KRT6C: variants seen among roughly 807,000 people sequenced by gnomAD.
The protein encoded by KRT6C is keratin 6C, also known as keratin, type II cytoskeletal 6C.
A neutral mutation model predicts 49.4 loss-of-function variants in KRT6C; 46 were observed. That is an observed-to-expected ratio of 0.93 (90% CI 0.74 to 1.19). The LOEUF is 1.19. Ranked by LOEUF, KRT6C falls within the 50% of genes most tolerant of loss-of-function variation. The probability of loss-of-function intolerance (pLI) is 0.00; values close to 1 mark genes in which losing one functional copy is unlikely to be tolerated. For missense variants in KRT6C, 552 were observed against 737.5 expected (o/e 0.75, Z 2.91); for synonymous variants, 236 against 297.1 (o/e 0.79, Z 2.12).
chr12:52,470,775 G>T lies in KRT6C; in HGVS notation c.1078-145C>A, dbSNP rs559442787. 45 of 1,533,634 alleles carry T rather than the reference G, an allele frequency of 2.9e-5. No homozygotes were observed. In the Admixed American group the frequency reaches 4.9e-4, roughly 17 times the overall value. ...TGAGGAAAAGTTGATGTTATGTGGT[G>T]GGTGGATACTAAACTCTGGAGTCAC... On this transcript the variant is annotated intron_variant, in intron 5 of 8. Transcript: ENST00000252250.
In KRT6C at chr12:52,471,135, G is replaced by T. The variant is rs148664004; in HGVS notation, c.1074C>A (p.Thr358=). The T allele has an allele frequency of 2.5e-5, 40 of 1,614,084 alleles. No individual in the cohort carries two copies. The highest frequency in any genetic ancestry group is 8.9e-5 in the East Asian group (4 of 44,858). ...CAGCTGCCCACTCCCTGCTCACCTT[G>T]GTCTGGTACCAGGACTCAGCCTCAG... is the stretch of plus-strand genomic sequence containing the variant. ...SRAEAESWYQ[T]KYEELQVTAG... Residue 358 remains threonine, a synonymous_variant, in exon 5 of 9, where the codon ACC becomes ACA. Coordinates refer to ENST00000252250, the MANE Select transcript of KRT6C (RefSeq NM_173086.5).
chr12:52,470,165 A>G (rs1233857320), intron 6 of KRT6C: 9 of 604,644 alleles, frequency 1.5e-5, no homozygotes, highest in Admixed American at 2.9e-5. Flanking sequence ...TGGAAGATGA[A>G]TGCTCGGTTT....
At position 52,473,553 on chromosome 12, in the gene KRT6C, T is replaced by C; in HGVS notation, c.185A>G (p.Tyr62Cys). Reference protein sequence around the residue: ...GGAGFGSRSLYGLGGSKRISI... With the variant: ...GGAGFGSRSLCGLGGSKRISI... ...GATCCTCTTGGAGCCCCCCAGGCCA[T>C]ACAGACTGCGGCTGCCAAAGCCAGC... Residue 62 changes from tyrosine to cysteine, a missense_variant, in exon 1 of 9, where the codon TAT becomes TGT. Tyr to Cys is a radical substitution (Grantham distance 194, BLOSUM62 -2). This residue lies in a region of KRT6C where 73 missense variants were observed against 102.1 expected (regional missense o/e 0.71). Transcript: ENST00000252250. 1 of 1,588,608 alleles carries C rather than the reference T, an allele frequency of 6.3e-7. No homozygotes were observed. Among genetic ancestry groups the C allele is most frequent in the Non-Finnish European group, 8.6e-7 (1 of 1,165,722 alleles).
intron 1 of KRT6C, among the ~76,000 whole-genome samples, chr12:52,472,977 T>C (rs1937913539): frequency 6.6e-6 from 1 of 150,812 alleles, no homozygotes; most frequent in Non-Finnish European, 1.5e-5. Context: ...TTATGAAAAG[T>C]TACGGCTCTC....
rs1311389650 is a variant in KRT6C at position 52,469,431 on chromosome 12, C to T, written c.1439G>A (p.Gly480Asp). 1.2e-6 allele frequency: 2 copies of T among 1,613,950 alleles called. No individual in the cohort carries two copies. Among genetic ancestry groups the T allele is most frequent in the Non-Finnish European group, 1.7e-6 (2 of 1,179,866 alleles). ...EGEECRLNGE[G>D]VGQVNVSVVQ... is the part of the protein sequence containing the mutation. ...CTTACAGACGTTGACTTGTCCAACG[C>T]CTTCGCCATTCAGCCTGTGGAGAGG... Residue 480 changes from glycine (G) to aspartate (D), a missense_variant, in exon 8 of 9, where the codon GGC becomes GAC. By Grantham distance (94) the Gly-to-Asp change is moderately conservative. Around this residue, in one of 3 missense-constraint regions of KRT6C, gnomAD observed 425 missense variants for 439.4 expected, o/e 0.97. Transcript: ENST00000252250.
chr12:52,471,422 G>T lies in KRT6C; in HGVS notation c.911C>A (p.Ala304Glu). ...EINFLRALYD[A>E]ELSQMQTHIS... ...CAGAAGGATGGTGGAGATGCTTACT[G>T]CATCATACAAGGCTCTCAGGAAGTT... The change falls in exon 4 of 9, where the codon GCA becomes GAA. Residue 304 changes from alanine to glutamate, a missense_variant and splice_region_variant. Ala to Glu is a moderately radical substitution (Grantham distance 107). This residue lies in a region of KRT6C where 425 missense variants were observed against 439.4 expected (regional missense o/e 0.97). Coordinates refer to ENST00000252250, the MANE Select transcript of KRT6C (RefSeq NM_173086.5). 1 of 1,613,964 alleles carries T rather than the reference G, an allele frequency of 6.2e-7. No homozygotes were observed.
At chr12:52,471,550 A>G (rs768760256) in intron 3 of KRT6C, 34 bp from the exon 4 acceptor site, 7 of 1,609,838 alleles carry the variant, frequency 4.3e-6, no homozygotes, top group Non-Finnish European at 5.9e-6. Flanking sequence ...GAGTTACCTG[A>G]GCTCACCTTT....
chr12:52,471,789 A>G, intron 2 of KRT6C, 57 bp from the exon 3 acceptor site: 1 of 1,605,648 alleles, frequency 6.2e-7, no homozygotes, highest in Non-Finnish European at 8.5e-7. Context: ...GAAACAGAAA[A>G]GCAGCTTGGG....
chr12:52,469,285 GACTGTACT>G lies in KRT6C; in HGVS notation c.1464_1471del (p.Val489HisfsTer113), dbSNP rs1937829228. On this transcript the variant is annotated frameshift_variant, in exon 9 of 9. Transcript: ENST00000252250. LOFTEE classifies it high-confidence loss of function. ...ACCGCCATAGCCACTGGAGATGGTG[GACTGTACT>G]ACAGCTGTGGTGGGGAGGGGACAAG... 2.5e-6 allele frequency: 4 copies of G among 1,613,996 alleles called. No homozygotes were observed. The highest frequency in any genetic ancestry group is 3.4e-6 in the Non-Finnish European group (4 of 1,179,858).
chr12:52,470,300 AC>A (rs1937852446), intron 6 of KRT6C: 1 of 846,714 alleles, frequency 1.2e-6, no homozygotes, highest in African/African-American at 1.7e-5. Context: ...GACTGTTGAG[AC>A]CTGGCCTTGC....
chr12:52,472,257 G>T lies in KRT6C; in HGVS notation c.564C>A (p.Asn188Lys), dbSNP rs1295784415. 2 of 1,421,064 alleles carry T rather than the reference G, an allele frequency of 1.4e-6. No homozygotes were observed. Among genetic ancestry groups the T allele is most frequent in the Admixed American group, 3.6e-5 (2 of 54,922 alleles). The allele number at this position is 1,421,064 out of a possible 1,614,324, so 88.0% of individuals were successfully genotyped here. Residue 188 changes from asparagine (N) to lysine (K), a missense_variant, in exon 2 of 9, where the codon AAC (asparagine) becomes AAA (lysine). Transcript: ENST00000252250. ...GGGTCCACTTGGTGTCCAGAACCTT[G>T]TTCTGCTGCTCTAGGAACCGCACCT... ...IDKVRFLEQQ[N>K]KVLDTKWTLL...
At chr12:52,470,004 C>G in intron 6 of KRT6C, 114 bp from the exon 7 acceptor site, 1 of 1,177,262 alleles carries the variant, frequency 8.5e-7, no homozygotes. Context: ...TGAGCTTTGA[C>G]TCTTCCTGTC....
chr12:52,471,144 C>T lies in KRT6C; in HGVS notation c.1065G>A (p.Trp355Ter), dbSNP rs760135381. ...AQRSRAEAES[W>*]YQTKYEELQV... ...ACTCCCTGCTCACCTTGGTCTGGTACCAGGACTCAGCCTCAGCCCGGCTCC... is the reference window on the plus strand; with the variant it reads ...ACTCCCTGCTCACCTTGGTCTGGTATCAGGACTCAGCCTCAGCCCGGCTCC... The change falls in exon 5 of 9, where the codon TGG (tryptophan) becomes TGA (stop). Residue 355 changes from tryptophan to a stop codon, truncating the protein, a stop_gained. Coordinates refer to ENST00000252250, the MANE Select transcript of KRT6C (RefSeq NM_173086.5). LOFTEE classifies it high-confidence loss of function. The T allele has an allele frequency of 2.5e-6, 4 of 1,614,152 alleles. No individual in the cohort carries two copies. In the South Asian group the frequency reaches 4.4e-5, roughly 18 times the overall value.
chr12:52,473,702 G>A lies in KRT6C; in HGVS notation c.36C>T (p.Ser12=), dbSNP rs1354251207. The A allele has an allele frequency of 6.2e-7, 1 of 1,613,826 alleles. No homozygotes were observed. The highest frequency in any genetic ancestry group is 8.5e-7 in the Non-Finnish European group (1 of 1,180,014). ...TGGCACTGAAACCCCGGCGGCTGCT[G>A]CTGTGGCTCCTGATGGTGGTGGATG... ...ASTSTTIRSH[S]SSRRGFSANS... Residue 12 remains serine, a synonymous_variant, in exon 1 of 9, where the codon AGC becomes AGT. Transcript: ENST00000252250.
chr12:52,471,481 C>T lies in KRT6C; in HGVS notation c.852G>A (p.Leu284=), dbSNP rs761675419. ...CTGTGAGAGTGTCTGCCTTGGCTTG[C>T]AGTTCAACCTTGTTCATGTAGGCAG... ...VDAAYMNKVE[L]QAKADTLTDE... The change falls in exon 4 of 9, where the codon CTG becomes CTA. Residue 284 remains leucine, a synonymous_variant. Transcript: ENST00000252250. The T allele has an allele frequency of 4.3e-6, 7 of 1,613,694 alleles. 1 individual carries two copies. Among genetic ancestry groups the T allele is most frequent in the Middle Eastern group, 3.3e-4 (2 of 6,078 alleles).
chr12:52,471,434 G>T lies in KRT6C; in HGVS notation c.899C>A (p.Ala300Asp). Reference protein sequence around the residue: ...TLTDEINFLRALYDAELSQMQ... With the variant: ...TLTDEINFLRDLYDAELSQMQ... ...GGAGATGCTTACTGCATCATACAAG[G>T]CTCTCAGGAAGTTGATCTCATCTGT... Residue 300 changes from alanine to aspartate, a missense_variant, in exon 4 of 9, where the codon GCC (alanine) becomes GAC (aspartate). Physicochemically the swap from Ala to Asp is moderately radical, Grantham distance 126 (BLOSUM62 -2). Coordinates refer to ENST00000252250, the MANE Select transcript of KRT6C (RefSeq NM_173086.5). 3.7e-6 allele frequency: 6 copies of T among 1,613,910 alleles called. No individual in the cohort carries two copies. The highest frequency in any genetic ancestry group is 5.1e-6 in the Non-Finnish European group (6 of 1,179,896).
rs1410610789 is a variant in KRT6C at position 52,468,844 on chromosome 12, A to G, written c.*218T>C. 3 of 613,878 alleles carry G rather than the reference A, an allele frequency of 4.9e-6. No homozygotes were observed. The highest frequency in any genetic ancestry group is 8.6e-6 in the Non-Finnish European group (3 of 347,192). 38.0% of individuals were successfully genotyped at this position (613,878 alleles called of 1,614,324 possible). On this transcript the variant is annotated 3_prime_UTR_variant, in exon 9 of 9. Coordinates refer to ENST00000252250, the MANE Select transcript of KRT6C (RefSeq NM_173086.5). ...GTGAAGCTCCATTGGTGAATACATT[A>G]TGATGTAAAATCAAAGGTTGATCTG...
At chr12:52,469,938 G>C in intron 6 of KRT6C, 48 bp from the exon 7 acceptor site, 2 of 1,608,608 alleles carry the variant, frequency 1.2e-6, no homozygotes, top group African/African-American at 2.7e-5. Context: ...CTCCTCCGGA[G>C]GAGGCTGGCC....
rs150249318 is a variant in KRT6C at position 52,473,354 on chromosome 12, A to G, written c.384T>C (p.Pro128=). 5.1e-3 allele frequency: 7,302 copies of G among 1,424,952 alleles called. 4 individuals are homozygous for G. In the African/African-American group the frequency reaches 0.073, roughly 14 times the overall value. The allele number at this position is 1,424,952 out of a possible 1,614,324, so 88.3% of individuals were successfully genotyped here. ...LAGGFGGPGF[P]VCPPGGIQEV... is the part of the protein sequence containing the mutation. Reference sequence around the variant, plus strand: ...CTTGGATGCCTCCAGGGGGGCACACAGGGAAGCCAGGGCCCCCAAAGCCAC... The same window carrying G: ...CTTGGATGCCTCCAGGGGGGCACACGGGGAAGCCAGGGCCCCCAAAGCCAC... Residue 128 remains proline, a synonymous_variant, in exon 1 of 9, where the codon CCT becomes CCC. Coordinates refer to ENST00000252250, the MANE Select transcript of KRT6C (RefSeq NM_173086.5).
Sources: allele counts gnomAD v4.1 joint callset (sites outside exome capture counted in the v4.1 genomes callset), GRCh38; gene constraint gnomAD v4.1.1; regional missense constraint gnomAD v4.1.1; transcripts MANE v1.5; gene names NCBI Gene and HGNC (gene_info 2026-07-23, HGNC 2026-07-21).